PPIG: variants seen among roughly 807,000 people sequenced by gnomAD.
PPIG encodes the protein peptidyl-prolyl cis-trans isomerase G.
A neutral mutation model predicts 87.9 loss-of-function variants in PPIG; 26 were observed. The observed-to-expected ratio is 0.30, with a 90% CI of 0.22 to 0.41. The LOEUF (loss-of-function observed/expected upper bound fraction) is 0.41. Ranked by LOEUF, PPIG falls within the 10% of genes least tolerant of loss-of-function variation. The pLI, the probability that PPIG is intolerant of heterozygous loss-of-function variation, is 1.00. For synonymous variants in PPIG, 308 were observed against 276.5 expected, an observed-to-expected ratio of 1.11 and a Z score of -1.13; for missense variants, 722 against 879.4, an observed-to-expected ratio of 0.82 and a Z score of 2.26.
In PPIG at chr2:169,606,093, T is replaced by C; in HGVS notation, c.191T>C (p.Leu64Pro). Reference sequence around the variant, plus strand: ...AAACCATTACATTATAAGAGTTGTCTCTTTCACAGAGTTGTCAAGGATTTT... The same window carrying C: ...AAACCATTACATTATAAGAGTTGTCCCTTTCACAGAGTTGTCAAGGATTTT... The part of the protein sequence containing the change: ...TQKPLHYKSC[L>P]FHRVVKDFMV... The change falls in exon 5 of 14, where the codon CTC becomes CCC. Residue 64 changes from leucine (L) to proline (P), a missense_variant. Coordinates refer to ENST00000260970, the MANE Select transcript of PPIG (RefSeq NM_004792.3). The C allele has an allele frequency of 6.2e-7, 1 of 1,613,638 alleles. No homozygotes were observed. The highest frequency in any genetic ancestry group is 8.5e-7 in the Non-Finnish European group (1 of 1,179,592).
At chr2:169,588,121 C>T (rs1221825518) in intron 1 of PPIG, among the ~76,000 whole-genome samples, 3 of 149,626 alleles carry the variant, frequency 2.0e-5, no homozygotes, top group South Asian at 2.1e-4. Context: ...TCCGAGATCA[C>T]GCCATTGCAC....
chr2:169,608,324 A>G (rs1294481323), intron 6 of PPIG, among the ~76,000 whole-genome samples: 2 of 152,052 alleles, frequency 1.3e-5, no homozygotes, highest in Non-Finnish European at 2.9e-5. Flanking sequence ...TGCCGTCTCT[A>G]CTAAAAATAC....
chr2:169,622,763 T>C (rs1170390349), intron 9 of PPIG, among the ~76,000 whole-genome samples: 2 of 152,220 alleles, frequency 1.3e-5, no homozygotes, highest in African/African-American at 4.8e-5. Context: ...ATTCAGAACA[T>C]TGGTCAGAGT....
At position 169,637,662 on chromosome 2, in the gene PPIG, T is replaced by C; in HGVS notation, c.*139T>C. The C allele has an allele frequency of 1.1e-6, 1 of 871,940 alleles. No individual in the cohort carries two copies. The highest frequency in any genetic ancestry group is 1.7e-6 in the Non-Finnish European group (1 of 604,322). 54.0% of individuals were successfully genotyped at this position (871,940 alleles called of 1,614,324 possible). A position where few individuals can be genotyped will look rare whatever the true frequency, so the allele number is the denominator to read the frequency against. ...TGTCCTTTTTTTTCTTAATGTGGAT[T>C]TCATTGAGTTGATTTTTTGATAATC... is the stretch of plus-strand genomic sequence containing the variant. On this transcript the variant is annotated 3_prime_UTR_variant, in exon 14 of 14. Coordinates refer to ENST00000260970, the MANE Select transcript of PPIG (RefSeq NM_004792.3).
intron 1 of PPIG, among the ~76,000 whole-genome samples, chr2:169,590,129 C>CA (rs59876325): frequency 0.053 from 7,348 of 139,248 alleles, 622 homozygotes; most frequent in African/African-American, 0.18. Context: ...CGACAACAAC[C>CA]AAAAAAAAAA....
At chr2:169,593,954 C>T (rs1684943429) in intron 1 of PPIG, among the ~76,000 whole-genome samples, 1 of 151,950 alleles carries the variant, frequency 6.6e-6, no homozygotes, top group African/African-American at 2.4e-5. Flanking sequence ...CACGCCCGGC[C>T]CACTGTTTTA....
chr2:169,626,547 A>C (rs1391235023), intron 9 of PPIG, among the ~76,000 whole-genome samples: 1 of 151,500 alleles, frequency 6.6e-6, no homozygotes, highest in African/African-American at 2.4e-5. Flanking sequence ...ACCCTCTACC[A>C]TACTCAGCTA....
intron 7 of PPIG, among the ~76,000 whole-genome samples, chr2:169,609,474 T>G (rs949181884): frequency 6.6e-6 from 1 of 152,122 alleles, no homozygotes; most frequent in Admixed American, 6.6e-5. Context: ...TGGCCAAAAT[T>G]GTTGAAGAGG....
chr2:169,628,940 A>C (rs369318556), intron 9 of PPIG, among the ~76,000 whole-genome samples: 30 of 20,754 alleles, frequency 1.4e-3, no homozygotes, highest in African/African-American at 8.0e-3. Flanking sequence ...CCCTGTCTCC[A>C]AAAAAAAAAA....
rs201805926 is a variant in PPIG at position 169,584,506 on chromosome 2, C to T, written c.-70+16C>T. The T allele has an allele frequency of 6.8e-5, 32 of 470,318 alleles. No individual in the cohort carries two copies. The highest frequency in any genetic ancestry group is 1.3e-4 in the Non-Finnish European group (29 of 226,806). The allele number at this position is 470,318 out of a possible 1,614,324, so 29.1% of individuals were successfully genotyped here. On this transcript the variant is annotated intron_variant, in intron 1 of 13. Coordinates refer to ENST00000260970, the MANE Select transcript of PPIG (RefSeq NM_004792.3). ...ACCGGTGCAGGTAAGTGGTATGAGG[C>T]TCAAGTTGTTCTGGCGGCGTCATTT...
At chr2:169,602,555 G>T (rs554041742) in intron 1 of PPIG, among the ~76,000 whole-genome samples, 2 of 152,086 alleles carry the variant, frequency 1.3e-5, no homozygotes, top group African/African-American at 4.8e-5. Context: ...ACCCTGATCC[G>T]CCCGCCTCAG....
intron 12 of PPIG, among the ~76,000 whole-genome samples, chr2:169,635,151 C>T (rs1311947094): frequency 2.0e-5 from 3 of 152,154 alleles, no homozygotes; most frequent in African/African-American, 7.2e-5. Context: ...CTTTGAGATT[C>T]ACTGTCTGAT....
At position 169,636,651 on chromosome 2, in the gene PPIG, A is replaced by C; in HGVS notation, c.1393A>C (p.Lys465Gln). The C allele has an allele frequency of 1.2e-6, 2 of 1,601,302 alleles. No homozygotes were observed. Among genetic ancestry groups the C allele is most frequent in the Middle Eastern group, 1.7e-4 (1 of 5,988 alleles). ...RAKSKSRSKS[K>Q]EKSKSKERDS... is the part of the protein sequence containing the mutation. ...CAAATCTAAAAGTAGGAGTAAGAGCAAAGAGAAATCAAAGAGTAAAGAAAG... is the reference window on the plus strand; with the variant it reads ...CAAATCTAAAAGTAGGAGTAAGAGCCAAGAGAAATCAAAGAGTAAAGAAAG... Residue 465 changes from lysine (K) to glutamine (Q), a missense_variant, in exon 14 of 14, where the codon AAA becomes CAA. This residue lies in a region of PPIG where 476 missense variants were observed against 483.1 expected (regional missense o/e 0.99). Transcript: ENST00000260970.
At chr2:169,603,497 CAAT>C (rs1685239880) in intron 1 of PPIG, 142 bp from the exon 2 acceptor site, 1 of 10,418 alleles carries the variant, frequency 9.6e-5, no homozygotes, top group East Asian at 0.033. Context: ...TACTATTTAA[CAAT>C]AGTTAAATAG....
intron 7 of PPIG, among the ~76,000 whole-genome samples, chr2:169,609,575 G>C (rs893416654): frequency 1.3e-5 from 2 of 152,116 alleles, no homozygotes; most frequent in Non-Finnish European, 1.5e-5. Context: ...CAGGTTAAAG[G>C]TTTCCCACTA....
intron 9 of PPIG, 32 bp from the exon 10 acceptor site, chr2:169,630,742 T>G (rs1686023936): frequency 6.5e-7 from 1 of 1,543,712 alleles, no homozygotes; most frequent in Non-Finnish European, 8.8e-7. Flanking sequence ...GTCTAAAAAT[T>G]GTTGATCAAA....
chr2:169,584,369 G>A lies in PPIG; in HGVS notation c.-191G>A, dbSNP rs1476622411. On this transcript the variant is annotated 5_prime_UTR_variant, in exon 1 of 14. An upstream start codon of the reference 5' UTR is lost. Coordinates refer to ENST00000260970, the MANE Select transcript of PPIG (RefSeq NM_004792.3). ...TTCCGGTGCGACGCTGTCTCTCCATGCCAGGACTGAGTTGTGGGGGAGGGA... is the reference window on the plus strand; with the variant it reads ...TTCCGGTGCGACGCTGTCTCTCCATACCAGGACTGAGTTGTGGGGGAGGGA... 1 of 471,042 alleles carries A rather than the reference G, an allele frequency of 2.1e-6. No homozygotes were observed. The highest frequency in any genetic ancestry group is 4.4e-6 in the Non-Finnish European group (1 of 227,060). The allele number at this position is 471,042 out of a possible 1,614,324, so 29.2% of individuals were successfully genotyped here.
At chr2:169,609,821 T>C (rs1381609311) in intron 7 of PPIG, among the ~76,000 whole-genome samples, 1 of 152,210 alleles carries the variant, frequency 6.6e-6, no homozygotes, top group Non-Finnish European at 1.5e-5. Context: ...CTTCTATTGA[T>C]GCTAAATTTA....
chr2:169,627,518 G>T (rs1449369625), intron 9 of PPIG, among the ~76,000 whole-genome samples: 1 of 151,814 alleles, frequency 6.6e-6, no homozygotes, highest in African/African-American at 2.4e-5. Flanking sequence ...CTGTTGTGTG[G>T]TATGGTGTTT....
Sources: allele counts gnomAD v4.1 joint callset (sites outside exome capture counted in the v4.1 genomes callset), GRCh38; gene constraint gnomAD v4.1.1; regional missense constraint gnomAD v4.1.1; transcripts MANE v1.5; gene names NCBI Gene and HGNC (gene_info 2026-07-23, HGNC 2026-07-21).